Variants in SLC9A9 observed in about 807,000 individuals in gnomAD.
SLC9A9 encodes solute carrier family 9 member A9.
SLC9A9 carries 62 observed loss-of-function variants against 77.8 expected under a neutral mutation model. The observed-to-expected ratio is 0.80, with a 90% CI of 0.65 to 0.98. The LOEUF (loss-of-function observed/expected upper bound fraction) is 0.98. SLC9A9 is among the 50% of genes least tolerant of loss of function. SLC9A9 has a pLI of 0.00. For synonymous variants in SLC9A9, 320 were observed against 283.5 expected, an observed-to-expected ratio of 1.13 and a Z score of -1.29; for missense variants, 775 against 774.9, an observed-to-expected ratio of 1.00 and a Z score of 0.00.
intron 4 of SLC9A9, among the ~76,000 whole-genome samples, chr3:143,740,085 C>A (rs936998119): frequency 6.6e-6 from 1 of 152,174 alleles, no homozygotes; most frequent in Non-Finnish European, 1.5e-5. Flanking sequence ...CCAACTTCTA[C>A]TAAGAGATCC....
chr3:143,363,461 A>C, intron 14 of SLC9A9, 23 bp downstream of exon 14: 1 of 1,604,796 alleles, frequency 6.2e-7, no homozygotes, highest in South Asian at 1.1e-5. Context: ...AGGATCTGTG[A>C]GATCGTTATT....
intron 6 of SLC9A9, among the ~76,000 whole-genome samples, chr3:143,647,283 A>G (rs182780229): frequency 9.5e-4 from 144 of 152,346 alleles, no homozygotes; most frequent in African/African-American, 3.3e-3. Context: ...CATGTATATT[A>G]CAAAGACTAT....
intron 5 of SLC9A9, among the ~76,000 whole-genome samples, chr3:143,655,960 G>T (rs184781111): frequency 7.1e-4 from 108 of 152,320 alleles, no homozygotes; most frequent in African/African-American, 2.5e-3. Flanking sequence ...TTTATAGGTT[G>T]ACAAGAATAA....
At chr3:143,699,685 T>C (rs1239903495) in intron 4 of SLC9A9, among the ~76,000 whole-genome samples, 1 of 152,190 alleles carries the variant, frequency 6.6e-6, no homozygotes, top group African/African-American at 2.4e-5. Context: ...ACTTGAGTTC[T>C]GCCAAGCCTC....
chr3:143,334,978 C>T (rs984988967), intron 14 of SLC9A9, among the ~76,000 whole-genome samples: 2 of 150,890 alleles, frequency 1.3e-5, no homozygotes, highest in Non-Finnish European at 3.0e-5. Context: ...AAAAAAATAG[C>T]ACCCATATTG....
chr3:143,667,002 A>G (rs558257941), intron 5 of SLC9A9, among the ~76,000 whole-genome samples: 25 of 152,320 alleles, frequency 1.6e-4, no homozygotes, highest in Admixed American at 1.3e-3. Flanking sequence ...ATATGGAACC[A>G]AAAAAGAGCC....
chr3:143,516,239 G>GCT, intron 9 of SLC9A9, among the ~76,000 whole-genome samples: 1 of 151,484 alleles, frequency 6.6e-6, no homozygotes, highest in East Asian at 1.9e-4. Context: ...GCTTATTTTT[G>GCT]CTCTCTCTCT....
At chr3:143,355,822 AAAT>A (rs2032570890) in intron 14 of SLC9A9, among the ~76,000 whole-genome samples, 1 of 152,246 alleles carries the variant, frequency 6.6e-6, no homozygotes, top group South Asian at 2.1e-4. Context: ...TGCACTGAGA[AAAT>A]AATAAATGTA....
chr3:143,833,640 T>C (rs2009494692), intron 1 of SLC9A9, among the ~76,000 whole-genome samples: 1 of 134,702 alleles, frequency 7.4e-6, no homozygotes, highest in South Asian at 2.4e-4. Context: ...GCTCTCCCTG[T>C]ATGTAGACCA....
intron 8 of SLC9A9, among the ~76,000 whole-genome samples, chr3:143,570,042 G>C (rs1157242233): frequency 6.6e-6 from 1 of 151,690 alleles, no homozygotes; most frequent in Non-Finnish European, 1.5e-5. Flanking sequence ...TTGGGCCCAA[G>C]CAATCCTCCC....
At chr3:143,705,556 A>T (rs56126118) in intron 4 of SLC9A9, among the ~76,000 whole-genome samples, 17,894 of 152,234 alleles carry the variant, frequency 0.12, 1,901 homozygotes, top group East Asian at 0.54. Context: ...AGTGAATCAC[A>T]TGTAACGCAT....
chr3:143,291,997 A>T (rs2030006534), intron 14 of SLC9A9, among the ~76,000 whole-genome samples: 1 of 152,220 alleles, frequency 6.6e-6, no homozygotes, highest in Non-Finnish European at 1.5e-5. Flanking sequence ...GGAATCCCCC[A>T]TATAGCCCTG....
intron 1 of SLC9A9, among the ~76,000 whole-genome samples, chr3:143,834,225 T>C (rs2009508832): frequency 6.6e-6 from 1 of 152,214 alleles, no homozygotes; most frequent in South Asian, 2.1e-4. Context: ...AAATAAGTTA[T>C]AGATACGTAA....
intron 9 of SLC9A9, among the ~76,000 whole-genome samples, chr3:143,518,739 T>G (rs933084667): frequency 2.0e-5 from 3 of 152,256 alleles, no homozygotes; most frequent in Admixed American, 1.3e-4. Flanking sequence ...CCTTGCTATA[T>G]GATATAAATA....
chr3:143,733,999 C>G (rs1934876191), intron 4 of SLC9A9, among the ~76,000 whole-genome samples: 2 of 152,080 alleles, frequency 1.3e-5, no homozygotes. Context: ...GAGTTCAAGA[C>G]CAGCCTGGGA....
chr3:143,755,688 C>A (rs1014445412), intron 4 of SLC9A9, among the ~76,000 whole-genome samples: 4 of 152,046 alleles, frequency 2.6e-5, no homozygotes, highest in African/African-American at 9.7e-5. Context: ...AATATTATTT[C>A]TTTAATTTAT....
chr3:143,461,253 G>T (rs11918645), intron 12 of SLC9A9, among the ~76,000 whole-genome samples: 5,935 of 152,170 alleles, frequency 0.039, 377 homozygotes, highest in African/African-American at 0.14. Context: ...TCTTTAAGGC[G>T]TTTATCATTT....
chr3:143,757,524 A>G (rs1009515920), intron 4 of SLC9A9, among the ~76,000 whole-genome samples: 4 of 152,132 alleles, frequency 2.6e-5, no homozygotes. Context: ...TTGGAGTACA[A>G]CAAATTTTTT....
intron 2 of SLC9A9, among the ~76,000 whole-genome samples, chr3:143,828,267 C>G (rs2009348783): frequency 6.6e-6 from 1 of 152,114 alleles, no homozygotes; most frequent in African/African-American, 2.4e-5. Context: ...ATGATAATTT[C>G]TAAATACTGT....
Sources: allele counts gnomAD v4.1 joint callset (sites outside exome capture counted in the v4.1 genomes callset), GRCh38; gene constraint gnomAD v4.1.1; transcripts MANE v1.5; gene names NCBI Gene and HGNC (gene_info 2026-07-23, HGNC 2026-07-21).